Variants in CCBE1 observed in about 807,000 individuals in gnomAD.
CCBE1 encodes collagen and calcium binding EGF domains 1, also known as collagen and calcium-binding EGF domain-containing protein 1.
CCBE1 carries 37 observed loss-of-function variants against 50.0 expected under a neutral mutation model. The observed-to-expected ratio is 0.74, with a 90% CI of 0.57 to 0.97. CCBE1 has a LOEUF of 0.97. CCBE1 is among the 50% of genes least tolerant of loss of function. CCBE1 has a pLI of 0.00. For synonymous variants in CCBE1, 234 were observed against 203.7 expected, an observed-to-expected ratio of 1.15 and a Z score of -1.27; for missense variants, 538 against 523.8, an observed-to-expected ratio of 1.03 and a Z score of -0.26.
chr18:59,687,941 A>G (rs2054679347), intron 2 of CCBE1, among the ~76,000 whole-genome samples: 1 of 152,204 alleles, frequency 6.6e-6, no homozygotes, highest in South Asian at 2.1e-4. Flanking sequence ...AGCTTGGGCA[A>G]CAGAGATTCC....
intron 2 of CCBE1, among the ~76,000 whole-genome samples, chr18:59,501,731 A>G (rs564854618): frequency 1.8e-4 from 28 of 152,320 alleles, no homozygotes; most frequent in South Asian, 1.2e-3. Flanking sequence ...AGTCCACTAG[A>G]GAAATGCTCA....
chr18:59,638,125 A>G (rs1206865362), intron 2 of CCBE1, among the ~76,000 whole-genome samples: 1 of 152,208 alleles, frequency 6.6e-6, no homozygotes, highest in Non-Finnish European at 1.5e-5. Context: ...CATGAACAAA[A>G]TGGGTTTAAC....
intron 2 of CCBE1, among the ~76,000 whole-genome samples, chr18:59,515,732 G>A (rs150315342): frequency 6.6e-6 from 1 of 152,308 alleles, no homozygotes; most frequent in East Asian, 1.9e-4. Context: ...GGAGGCAGCA[G>A]AGGAGACAGG....
At chr18:59,524,425 G>C (rs941007826) in intron 2 of CCBE1, among the ~76,000 whole-genome samples, 1 of 152,110 alleles carries the variant, frequency 6.6e-6, no homozygotes, top group African/African-American at 2.4e-5. Flanking sequence ...TTAATTTATT[G>C]TAATAAACAT....
At chr18:59,691,512 T>C (rs1227631454) in intron 2 of CCBE1, among the ~76,000 whole-genome samples, 1 of 152,208 alleles carries the variant, frequency 6.6e-6, no homozygotes, top group Non-Finnish European at 1.5e-5. Flanking sequence ...TTCAAGTGAC[T>C]CTCCTGCCTC....
At chr18:59,590,887 T>C (rs542710290) in intron 2 of CCBE1, among the ~76,000 whole-genome samples, 1 of 152,184 alleles carries the variant, frequency 6.6e-6, no homozygotes, top group East Asian at 1.9e-4. Flanking sequence ...GGTGTAAGTG[T>C]GAAAATTTAA....
At chr18:59,561,712 A>G (rs2052742004) in intron 2 of CCBE1, among the ~76,000 whole-genome samples, 1 of 152,164 alleles carries the variant, frequency 6.6e-6, no homozygotes, top group Admixed American at 6.5e-5. Flanking sequence ...TACATCTGCA[A>G]GACTGACAGG....
At chr18:59,687,130 C>T (rs1301380822) in intron 2 of CCBE1, among the ~76,000 whole-genome samples, 1 of 152,164 alleles carries the variant, frequency 6.6e-6, no homozygotes, top group South Asian at 2.1e-4. Context: ...AGCAAGGACA[C>T]ATTATCAAGA....
chr18:59,644,626 C>G (rs999300508), intron 2 of CCBE1, among the ~76,000 whole-genome samples: 5 of 152,208 alleles, frequency 3.3e-5, no homozygotes, highest in Admixed American at 3.3e-4. Context: ...CCATTTTAAA[C>G]AATTTGGTAG....
chr18:59,497,408 G>A (rs760527084), intron 2 of CCBE1, among the ~76,000 whole-genome samples: 11 of 152,054 alleles, frequency 7.2e-5, no homozygotes, highest in Admixed American at 3.3e-4. Flanking sequence ...ACAACATCAC[G>A]CCCTTTAAAA....
chr18:59,490,471 T>C (rs1044972981), intron 2 of CCBE1, among the ~76,000 whole-genome samples: 1 of 149,468 alleles, frequency 6.7e-6, no homozygotes, highest in South Asian at 2.1e-4. Context: ...AATAATAAAA[T>C]AATCATTATT....
intron 6 of CCBE1, among the ~76,000 whole-genome samples, chr18:59,453,498 T>C (rs1245589769): frequency 6.6e-6 from 1 of 152,196 alleles, no homozygotes; most frequent in Non-Finnish European, 1.5e-5. Flanking sequence ...CCATCAGATA[T>C]ATACATGTTT....
intron 2 of CCBE1, among the ~76,000 whole-genome samples, chr18:59,649,872 T>C (rs935581866): frequency 7.9e-5 from 12 of 152,210 alleles, no homozygotes; most frequent in African/African-American, 2.7e-4. Flanking sequence ...AGGCTGGGGC[T>C]CTGGCCTGGA....
chr18:59,624,942 C>T (rs2053760222), intron 2 of CCBE1, among the ~76,000 whole-genome samples: 1 of 152,220 alleles, frequency 6.6e-6, no homozygotes, highest in African/African-American at 2.4e-5. Context: ...TCACACATAG[C>T]TATGCAATAG....
At chr18:59,513,105 C>G (rs761856895) in intron 2 of CCBE1, among the ~76,000 whole-genome samples, 1 of 152,114 alleles carries the variant, frequency 6.6e-6, no homozygotes, top group Non-Finnish European at 1.5e-5. Flanking sequence ...GTCAGGAGCT[C>G]GAGACCAGCC....
chr18:59,559,582 G>C (rs945368479), intron 2 of CCBE1, among the ~76,000 whole-genome samples: 1 of 152,204 alleles, frequency 6.6e-6, no homozygotes, highest in Non-Finnish European at 1.5e-5. Context: ...TACAGCTGGC[G>C]GAAGCATAAA....
chr18:59,475,107 A>G (rs1379898382), intron 3 of CCBE1, among the ~76,000 whole-genome samples: 1 of 152,192 alleles, frequency 6.6e-6, no homozygotes, highest in Non-Finnish European at 1.5e-5. Flanking sequence ...AGAGCCTACC[A>G]GCTTTCAGTC....
intron 3 of CCBE1, among the ~76,000 whole-genome samples, chr18:59,478,106 A>G (rs1334107689): frequency 2.0e-5 from 3 of 152,186 alleles, no homozygotes; most frequent in African/African-American, 7.2e-5. Context: ...CACCCCACCA[A>G]TCTAAGGGGG....
intron 2 of CCBE1, among the ~76,000 whole-genome samples, chr18:59,696,185 G>A (rs1287096727): frequency 2.0e-5 from 3 of 151,768 alleles, no homozygotes; most frequent in African/African-American, 7.3e-5. Flanking sequence ...CTACTTTTTT[G>A]TCCAGAGGCC....
Sources: gnomAD v4.1 joint callset for allele counts (sites outside exome capture counted in the v4.1 genomes callset) on GRCh38, gnomAD v4.1.1 for gene constraint, MANE v1.5 for transcripts, NCBI Gene and HGNC (gene_info 2026-07-23, HGNC 2026-07-21) for gene names.